ITPKC: variants seen among roughly 807,000 people sequenced by gnomAD.
The protein encoded by ITPKC is IP3 3-kinase C.
ITPKC carries 33 observed loss-of-function variants against 67.1 expected under a neutral mutation model. The ratio of observed to expected loss-of-function variants is 0.49; its 90% CI spans 0.37 to 0.66. The LOEUF is 0.66. Ranked by LOEUF, ITPKC falls within the 30% of genes least tolerant of loss-of-function variation. The pLI is 0.00. For synonymous variants in ITPKC, 341 were observed against 359.8 expected, an observed-to-expected ratio of 0.95 and a Z score of 0.59; for missense variants, 820 against 892.1, an observed-to-expected ratio of 0.92 and a Z score of 1.03.
intron 1 of ITPKC, among the ~76,000 whole-genome samples, chr19:40,723,390 G>C (rs1001300374): frequency 2.6e-5 from 4 of 152,126 alleles, no homozygotes; most frequent in African/African-American, 7.2e-5. Context: ...CATCGTACCC[G>C]CTGCTTTTGT....
chr19:40,727,393 C>T (rs7248570), intron 2 of ITPKC, among the ~76,000 whole-genome samples: 69,612 of 151,488 alleles, frequency 0.46, 16,746 homozygotes, highest in South Asian at 0.58. Context: ...CCAAAAACCC[C>T]AAGACTTAGT....
chr19:40,717,779 A>G lies in ITPKC; in HGVS notation c.644A>G (p.Lys215Arg). The change falls in exon 1 of 7, where the codon AAA (lysine) becomes AGA (arginine). Residue 215 changes from lysine (K) to arginine (R), a missense_variant. Around this residue, in one of 2 missense-constraint regions of ITPKC, gnomAD observed 481 missense variants for 470.1 expected, o/e 1.02. Coordinates refer to ENST00000263370, the MANE Select transcript of ITPKC (RefSeq NM_025194.3). ...QTHPEGACPSKEPSADGSWKE... is the reference protein window; with the variant it reads ...QTHPEGACPSREPSADGSWKE... ...CACCCAGAAGGAGCCTGTCCCTCAA[A>G]AGAGCCAAGTGCTGATGGCTCCTGG... 6.2e-7 allele frequency: 1 copy of G among 1,613,960 alleles called. No individual in the cohort carries two copies. The highest frequency in any genetic ancestry group is 8.5e-7 in the Non-Finnish European group (1 of 1,179,946).
rs773094434 is a variant in ITPKC, at chr19:40,717,315, C to T, written c.180C>T (p.Ala60=). 33 of 1,575,148 alleles carry T rather than the reference C, an allele frequency of 2.1e-5. No individual in the cohort carries two copies. In the African/African-American group the frequency reaches 3.8e-4, roughly 18 times the overall value. The part of the protein sequence containing the change: ...AGRPEGGGPW[A]RTEGSSLHSE... The stretch of plus-strand genomic sequence containing the variant: ...GGCCGGAGGGGGGCGGGCCCTGGGC[C>T]CGGACAGAGGGGTCCAGCCTCCACA... Residue 60 remains alanine (A), a synonymous_variant, in exon 1 of 7, where the codon GCC becomes GCT. Coordinates refer to ENST00000263370, the MANE Select transcript of ITPKC (RefSeq NM_025194.3).
chr19:40,728,215 A>T (rs2082255016), intron 2 of ITPKC, among the ~76,000 whole-genome samples: 1 of 150,876 alleles, frequency 6.6e-6, no homozygotes, highest in Non-Finnish European at 1.5e-5. Flanking sequence ...CCGACATTAC[A>T]CATTTTTTTT....
chr19:40,726,195 C>G (rs1022416270), intron 2 of ITPKC, among the ~76,000 whole-genome samples: 2 of 151,818 alleles, frequency 1.3e-5, no homozygotes, highest in African/African-American at 4.8e-5. Flanking sequence ...GAGCCAAGAT[C>G]GCAGCATTGC....
intron 2 of ITPKC, among the ~76,000 whole-genome samples, chr19:40,728,960 G>T (rs1231274616): frequency 6.6e-6 from 1 of 152,042 alleles, no homozygotes; most frequent in African/African-American, 2.4e-5. Flanking sequence ...CCCGGGAGGC[G>T]GAGGTTGCAG....
chr19:40,720,078 G>T (rs1451223355), intron 1 of ITPKC, among the ~76,000 whole-genome samples: 1 of 151,842 alleles, frequency 6.6e-6, no homozygotes, highest in African/African-American at 2.4e-5. Flanking sequence ...CCATTCAACA[G>T]ATGGGGGCCA....
chr19:40,731,205 C>G (rs557756308), intron 3 of ITPKC, among the ~76,000 whole-genome samples: 1 of 152,152 alleles, frequency 6.6e-6, no homozygotes, highest in Non-Finnish European at 1.5e-5. Flanking sequence ...GGGGCCCCAC[C>G]GTAGGAGGCC....
chr19:40,733,278 G>C lies in ITPKC; in HGVS notation c.1588G>C (p.Gly530Arg). Residue 530 changes from glycine (G) to arginine (R), a missense_variant, in exon 4 of 7, where the codon GGT becomes CGT. Gly to Arg is a moderately radical substitution (Grantham distance 125). Transcript: ENST00000263370. ...CCCTACCCCTGAGGAGCATGCCCAGGGTGCAGTCACCAAGCCCCGCTACAT... is the reference window on the plus strand; with the variant it reads ...CCCTACCCCTGAGGAGCATGCCCAGCGTGCAGTCACCAAGCCCCGCTACAT... ...GAPTPEEHAQ[G>R]AVTKPRYMQW... 1 of 1,614,112 alleles carries C rather than the reference G, an allele frequency of 6.2e-7. No homozygotes were observed. The highest frequency in any genetic ancestry group is 1.3e-5 in the African/African-American group (1 of 75,046).
intron 1 of ITPKC, among the ~76,000 whole-genome samples, chr19:40,721,007 T>C (rs1292707702): frequency 1.1e-4 from 16 of 152,074 alleles, no homozygotes. Context: ...ACTCCTGGGC[T>C]CAAGTGATCC....
chr19:40,726,911 A>G (rs1453300914), intron 2 of ITPKC, among the ~76,000 whole-genome samples: 2 of 151,838 alleles, frequency 1.3e-5, no homozygotes, highest in Non-Finnish European at 2.9e-5. Flanking sequence ...GCATGGTGGC[A>G]TGCACCTGTG....
At chr19:40,725,659 A>G (rs916320864) in intron 2 of ITPKC, among the ~76,000 whole-genome samples, 1 of 152,164 alleles carries the variant, frequency 6.6e-6, no homozygotes, top group African/African-American at 2.4e-5. Context: ...CTTCAGACGG[A>G]CCTGAGCTCA....
intron 3 of ITPKC, among the ~76,000 whole-genome samples, chr19:40,730,730 A>G (rs1317889538): frequency 1.3e-5 from 2 of 152,180 alleles, no homozygotes; most frequent in East Asian, 3.8e-4. Context: ...ACACCTAGCT[A>G]ATTTTCAATT....
At chr19:40,736,751 C>T (rs3745212) in intron 4 of ITPKC, among the ~76,000 whole-genome samples, 14,770 of 151,882 alleles carry the variant, frequency 0.097, 1,061 homozygotes, top group East Asian at 0.22. Flanking sequence ...GTGATCCTCC[C>T]GCCTCGGCCT....
Position 40,729,328 on chromosome 19 carries a change from T to G in ITPKC, c.1382T>G (p.Leu461Arg), listed in dbSNP as rs1445870204. The change falls in exon 3 of 7, where the codon CTG becomes CGG. Residue 461 changes from leucine (L) to arginine (R), a missense_variant. Around this residue, in one of 2 missense-constraint regions of ITPKC, gnomAD observed 339 missense variants for 422.0 expected, o/e 0.80. Transcript: ENST00000263370. ...GTGCCTGCCTACTATGGCATGGTGCTGCAGGATGGCCAGACCTTCAACCAG... is the reference window on the plus strand; with the variant it reads ...GTGCCTGCCTACTATGGCATGGTGCGGCAGGATGGCCAGACCTTCAACCAG... ...PFVPAYYGMVLQDGQTFNQME... is the reference protein window; with the variant it reads ...PFVPAYYGMVRQDGQTFNQME... 1 of 1,614,218 alleles carries G rather than the reference T, an allele frequency of 6.2e-7. No homozygotes were observed. Among genetic ancestry groups the G allele is most frequent in the Admixed American group, 1.7e-5 (1 of 60,024 alleles).
intron 6 of ITPKC, 21 bp from the exon 7 acceptor site, chr19:40,739,336 C>T: frequency 6.2e-7 from 1 of 1,605,564 alleles, no homozygotes. Flanking sequence ...CTCCCTTAAC[C>T]TCCCGTCTCT....
chr19:40,737,124 T>C, intron 5 of ITPKC, 37 bp downstream of exon 5: 2 of 1,278,090 alleles, frequency 1.6e-6, no homozygotes, highest in Non-Finnish European at 2.2e-6. Context: ...TGTAGCAGCT[T>C]AAGACAGCCA....
rs753596446 is a variant in ITPKC, at chr19:40,718,102, CCCCTGTG to C, written c.978_984del (p.Val327AlafsTer64). The C allele has an allele frequency of 1.2e-6, 2 of 1,613,440 alleles. No homozygotes were observed. Among genetic ancestry groups the C allele is most frequent in the Non-Finnish European group, 1.7e-6 (2 of 1,179,962 alleles). On this transcript the variant is annotated frameshift_variant, in exon 1 of 7. Coordinates refer to ENST00000263370, the MANE Select transcript of ITPKC (RefSeq NM_025194.3). LOFTEE classifies it high-confidence loss of function. ...CCTGTACTCTCACCTGAAGTGTAGCCCCCTGTGCCCTGTGCCCCGCCTCATCATTACC... is the reference window on the plus strand; with the variant it reads ...CCTGTACTCTCACCTGAAGTGTAGCCCCCTGTGCCCCGCCTCATCATTACC...
In ITPKC at chr19:40,718,206, C is replaced by T. The variant is rs1395687519; in HGVS notation, c.1071C>T (p.Phe357=). Residue 357 remains phenylalanine, a synonymous_variant, in exon 1 of 7, where the codon TTC becomes TTT. Transcript: ENST00000263370. ...GGGTTGAGGGGGGCAGCGGCGGCTT[C>T]TCCTCTGCCTCTTCTTTCGACGAGT... The part of the protein sequence containing the change: ...PSRVEGGSGG[F]SSASSFDESE... The T allele has an allele frequency of 6.4e-7, 1 of 1,554,792 alleles. No homozygotes were observed. Among genetic ancestry groups the T allele is most frequent in the Admixed American group, 1.9e-5 (1 of 51,742 alleles).
Sources: gnomAD v4.1 joint callset for allele counts (sites outside exome capture counted in the v4.1 genomes callset) on GRCh38, gnomAD v4.1.1 for gene constraint, gnomAD v4.1.1 regional missense constraint, MANE v1.5 for transcripts, NCBI Gene and HGNC (gene_info 2026-07-23, HGNC 2026-07-21) for gene names.